Variants in PCSK6 observed in about 807,000 individuals in gnomAD.
PCSK6 encodes paired basic amino acid cleaving enzyme 4.
A neutral mutation model predicts 123.3 loss-of-function variants in PCSK6; 85 were observed. That is an observed-to-expected ratio of 0.69 (90% confidence interval 0.58 to 0.83). The LOEUF (loss-of-function observed/expected upper bound fraction) is 0.83. Among genes scored for constraint, PCSK6 ranks in the 40% least tolerant of loss-of-function variants. PCSK6 has a pLI of 0.00. For synonymous variants in PCSK6, 508 were observed against 516.0 expected, an observed-to-expected ratio of 0.98 and a Z score of 0.21; for missense variants, 1,191 against 1,282.3, an observed-to-expected ratio of 0.93 and a Z score of 1.09.
At chr15:101,387,187 T>C (rs1288824463) in intron 9 of PCSK6, among the ~76,000 whole-genome samples, 11 of 152,342 alleles carry the variant, frequency 7.2e-5, no homozygotes. Context: ...CTGCATCCAC[T>C]GGCCTTCCTG....
Position 101,377,075 on chromosome 15 carries a change from C to T in PCSK6, c.1532+5017G>A, listed in dbSNP as rs544855665. On this transcript the variant is annotated intron_variant, in intron 11 of 21. Coordinates refer to ENST00000611716, the MANE Select transcript of PCSK6 (RefSeq NM_002570.5). Reference sequence around the variant, plus strand: ...AAAAGACGTCACATCAGGCTGTGTGCTTGAGCACAGTAGAGCTGGGTTGAC... The same window carrying T: ...AAAAGACGTCACATCAGGCTGTGTGTTTGAGCACAGTAGAGCTGGGTTGAC... Among the ~76,000 whole-genome samples the T allele has an allele frequency of 2.1e-3, 315 of 152,374 alleles. 3 individuals carry two copies. Among genetic ancestry groups the T allele is most frequent in the African/African-American group, 7.2e-3 (300 of 41,590 alleles).
At chr15:101,486,897 G>A (rs964112486) in intron 1 of PCSK6, among the ~76,000 whole-genome samples, 8 of 152,186 alleles carry the variant, frequency 5.3e-5, no homozygotes, top group African/African-American at 1.9e-4. Context: ...CAGAGAATAC[G>A]GCAGAAGCAA....
At chr15:101,457,142 A>C (rs1392391493) in intron 1 of PCSK6, among the ~76,000 whole-genome samples, 1 of 152,194 alleles carries the variant, frequency 6.6e-6, no homozygotes, top group Non-Finnish European at 1.5e-5. Context: ...ACCGCACTCC[A>C]GCCTGAGCAA....
chr15:101,416,784 A>C (rs1333676111), intron 6 of PCSK6, among the ~76,000 whole-genome samples: 1 of 152,252 alleles, frequency 6.6e-6, no homozygotes, highest in Non-Finnish European at 1.5e-5. Context: ...AGCTTTGGCA[A>C]CTTCCACTTG....
chr15:101,463,006 T>C, intron 1 of PCSK6: 1 of 459,316 alleles, frequency 2.2e-6, no homozygotes, highest in Non-Finnish European at 4.4e-6. Flanking sequence ...TCCTCCGTGT[T>C]GGGAGAGTTG....
At chr15:101,405,355 C>T (rs377075547) in intron 6 of PCSK6, among the ~76,000 whole-genome samples, 36 of 152,270 alleles carry the variant, frequency 2.4e-4, no homozygotes, top group African/African-American at 7.7e-4. Flanking sequence ...CAGAGCACAG[C>T]GTGGCACAAT....
intron 15 of PCSK6, among the ~76,000 whole-genome samples, chr15:101,327,842 G>A (rs988594459): frequency 6.6e-6 from 1 of 152,048 alleles, no homozygotes; most frequent in African/African-American, 2.4e-5. Flanking sequence ...TGCGTGTCCC[G>A]GTTCCCACTG....
At chr15:101,344,025 G>A (rs1436484774) in intron 13 of PCSK6, among the ~76,000 whole-genome samples, 8 of 151,918 alleles carry the variant, frequency 5.3e-5, no homozygotes, top group African/African-American at 1.9e-4. Flanking sequence ...GCAGTGAGCC[G>A]AGATTGCGTC....
chr15:101,350,819 C>T (rs2040870515), intron 13 of PCSK6, among the ~76,000 whole-genome samples: 2 of 152,224 alleles, frequency 1.3e-5, no homozygotes, highest in South Asian at 4.1e-4. Context: ...AGACAACCCT[C>T]TACCCGTTCA....
intron 13 of PCSK6, among the ~76,000 whole-genome samples, chr15:101,333,287 C>T (rs1024678288): frequency 4.6e-5 from 7 of 152,296 alleles, no homozygotes; most frequent in African/African-American, 9.6e-5. Context: ...ACGGGGCTCC[C>T]GGACGCCCCA....
chr15:101,488,939 AGGGGCCGCTCCCCCGC>A (rs2058087822), intron 1 of PCSK6, among the ~76,000 whole-genome samples: 1 of 149,252 alleles, frequency 6.7e-6, no homozygotes, highest in Admixed American at 6.6e-5. Flanking sequence ...TCGAGGGCAG[AGGGGCCGCTCCCCCGC>A]GGGGGAGAGC....
At chr15:101,488,675 A>G (rs1371013053) in intron 1 of PCSK6, among the ~76,000 whole-genome samples, 1 of 152,112 alleles carries the variant, frequency 6.6e-6, no homozygotes, top group Non-Finnish European at 1.5e-5. Context: ...GAACCGCGGC[A>G]GAAGCCCCCA....
intron 13 of PCSK6, among the ~76,000 whole-genome samples, chr15:101,344,718 CT>C (rs35333357): frequency 9.9e-5 from 15 of 152,136 alleles, no homozygotes; most frequent in Non-Finnish European, 1.5e-4. Flanking sequence ...CTGGCATGAA[CT>C]TGGCTCATTC....
rs935079201 is a variant in PCSK6 at position 101,313,049 on chromosome 15, CG to C, written c.2699+326del. 14 of 1,235,854 alleles carry C rather than the reference CG, an allele frequency of 1.1e-5. No homozygotes were observed. In the African/African-American group the frequency reaches 2.2e-4, roughly 19 times the overall value. 76.6% of individuals were successfully genotyped at this position (1,235,854 alleles called of 1,614,324 possible). On this transcript the variant is annotated intron_variant, in intron 20 of 21. Coordinates refer to ENST00000611716, the MANE Select transcript of PCSK6 (RefSeq NM_002570.5). ...CCCAAAACATGGTTTCTCTGATTAT[CG>C]ACAGTGCAAAGGATGCATGCTGAGC... is the stretch of plus-strand genomic sequence containing the variant.
intron 10 of PCSK6, 50 bp from the exon 11 acceptor site, chr15:101,382,259 G>C (rs1192187598): frequency 2.8e-6 from 4 of 1,410,504 alleles, no homozygotes; most frequent in East Asian, 2.4e-5. Context: ...CTCCCAGGAA[G>C]GGAGCAAGGC....
At chr15:101,430,603 AT>A (rs1377172899) in intron 4 of PCSK6, among the ~76,000 whole-genome samples, 23 of 152,324 alleles carry the variant, frequency 1.5e-4, no homozygotes, top group Non-Finnish European at 2.9e-4. Flanking sequence ...TATTCACATA[AT>A]TTTACATTCT....
chr15:101,439,901 C>G, intron 2 of PCSK6, among the ~76,000 whole-genome samples: 1 of 152,194 alleles, frequency 6.6e-6, no homozygotes, highest in East Asian at 1.9e-4. Flanking sequence ...CTCTGAACAT[C>G]TTTATCCTTC....
chr15:101,327,567 G>A (rs969724718), intron 15 of PCSK6, among the ~76,000 whole-genome samples: 3 of 152,196 alleles, frequency 2.0e-5, no homozygotes, highest in South Asian at 2.1e-4. Context: ...CTCCTCCTCC[G>A]AGGTGTGAGT....
intron 2 of PCSK6, among the ~76,000 whole-genome samples, chr15:101,439,905 A>G (rs1003435579): frequency 1.3e-5 from 2 of 152,168 alleles, no homozygotes; most frequent in African/African-American, 4.8e-5. Flanking sequence ...GAACATCTTT[A>G]TCCTTCCATT....
Sources: allele counts gnomAD v4.1 joint callset (sites outside exome capture counted in the v4.1 genomes callset), GRCh38; gene constraint gnomAD v4.1.1; transcripts MANE v1.5; gene names NCBI Gene and HGNC (gene_info 2026-07-23, HGNC 2026-07-21).